The following MTUS2 variants were observed in gnomAD, a reference collection of about 807,000 sequenced individuals.
MTUS2 encodes microtubule-associated tumor suppressor candidate 2.
Under a neutral mutation model 114.1 loss-of-function variants are expected in MTUS2, and 40 were observed. The observed-to-expected ratio is 0.35, with a 90% CI of 0.27 to 0.46. The LOEUF (loss-of-function observed/expected upper bound fraction) is 0.46, where lower values mean the gene tolerates loss of function less well. MTUS2 is among the 20% of genes least tolerant of loss of function. The probability of loss-of-function intolerance (pLI) is 1.00; values close to 1 mark genes in which losing one functional copy is unlikely to be tolerated. For missense variants in MTUS2, 1,679 were observed against 1,705.4 expected, an observed-to-expected ratio of 0.98 and a Z score of 0.27; for synonymous variants, 688 against 672.0, an observed-to-expected ratio of 1.02 and a Z score of -0.37.
intron 2 of MTUS2, among the ~76,000 whole-genome samples, chr13:28,975,046 G>A (rs1046856020): frequency 2.0e-5 from 3 of 152,340 alleles, no homozygotes; most frequent in Admixed American, 6.5e-5. Flanking sequence ...AGAAAATGAA[G>A]TTCCATATGG....
intron 3 of MTUS2, among the ~76,000 whole-genome samples, chr13:29,032,964 A>G (rs149624229): frequency 7.6e-4 from 115 of 152,302 alleles, no homozygotes; most frequent in African/African-American, 2.5e-3. Context: ...TTTAATATTA[A>G]TAAAACACTG....
At chr13:29,129,993 G>C (rs549215214) in intron 5 of MTUS2, among the ~76,000 whole-genome samples, 1 of 152,254 alleles carries the variant, frequency 6.6e-6, no homozygotes, top group South Asian at 2.1e-4. Context: ...AATCATTGCT[G>C]TCATGGAGCC....
At position 29,429,033 on chromosome 13, in the gene MTUS2, C is replaced by T. The variant is rs1488838757; in HGVS notation, c.3118-10950C>T. ...TGGTGAACAGGAGGCTCCCTTTACT[C>T]GTTCCAATGTGCTGAATTGTGAGTG... On this transcript the variant is annotated intron_variant, in intron 8 of 15. Transcript: ENST00000612955. The T allele has an allele frequency of 4.9e-6, 4 of 819,106 alleles. No homozygotes were observed. In the East Asian group the frequency reaches 7.7e-5, roughly 16 times the overall value. The allele number at this position is 819,106 out of a possible 1,614,324, so 50.7% of individuals were successfully genotyped here.
Position 29,480,755 on chromosome 13 carries a change from T to TA in MTUS2, c.3399+392dup, listed in dbSNP as rs1408270381. ...CCAGTATTAGTGTTCCTTCAGCACTTATCACTAACACATACATTTTTGCTT... is the reference window on the plus strand; with the variant it reads ...CCAGTATTAGTGTTCCTTCAGCACTTAATCACTAACACATACATTTTTGCTT... On this transcript the variant is annotated intron_variant, in intron 10 of 15. Transcript: ENST00000612955. The surrounding 1 kb of genome is among the most constrained non-coding windows in gnomAD (Gnocchi z 4.4). Among the ~76,000 whole-genome samples, 1 of 152,126 alleles carries TA rather than the reference T, an allele frequency of 6.6e-6. No homozygotes were observed. The highest frequency in any genetic ancestry group is 2.4e-5 in the African/African-American group (1 of 41,402).
intron 5 of MTUS2, among the ~76,000 whole-genome samples, chr13:29,216,226 C>T (rs1194665323): frequency 6.6e-6 from 1 of 152,214 alleles, no homozygotes; most frequent in East Asian, 1.9e-4. Context: ...ATGTCCCTTC[C>T]TTCATCAAGC....
intron 5 of MTUS2, among the ~76,000 whole-genome samples, chr13:29,151,205 C>G (rs755043224): frequency 1.3e-4 from 20 of 152,032 alleles, no homozygotes; most frequent in Non-Finnish European, 2.2e-4. Flanking sequence ...TTATTATCAT[C>G]TATGATTTCT....
intron 7 of MTUS2, among the ~76,000 whole-genome samples, chr13:29,354,265 T>A (rs1420175408): frequency 6.8e-6 from 1 of 147,810 alleles, no homozygotes; most frequent in African/African-American, 2.6e-5. Flanking sequence ...TTTTTGCTGG[T>A]TTCAAATGAG....
intron 4 of MTUS2, among the ~76,000 whole-genome samples, chr13:29,039,200 C>T (rs899860806): frequency 1.3e-5 from 2 of 152,202 alleles, no homozygotes; most frequent in Admixed American, 6.5e-5. Context: ...CTTCTGGGCT[C>T]GGGGCAGCAC....
intron 9 of MTUS2, among the ~76,000 whole-genome samples, chr13:29,477,266 T>G (rs1880772402): frequency 6.6e-6 from 1 of 152,218 alleles, no homozygotes; most frequent in Non-Finnish European, 1.5e-5. Context: ...TCTATGGTCT[T>G]TGTTCTATTC....
intron 2 of MTUS2, among the ~76,000 whole-genome samples, chr13:28,946,300 T>TGC (rs1255453187): frequency 1.1e-5 from 1 of 94,554 alleles, no homozygotes; most frequent in Non-Finnish European, 2.3e-5. Flanking sequence ...TGTGTGTGTG[T>TGC]GTGTGCGCGC....
chr13:29,376,137 A>G (rs1427202982), intron 8 of MTUS2, among the ~76,000 whole-genome samples: 1 of 152,156 alleles, frequency 6.6e-6, no homozygotes, highest in East Asian at 1.9e-4. Context: ...AGCAATAGAA[A>G]TAGTAAATAA....
chr13:29,080,823 T>C (rs535402382), intron 4 of MTUS2, among the ~76,000 whole-genome samples: 21 of 152,272 alleles, frequency 1.4e-4, no homozygotes, highest in African/African-American at 5.1e-4. Flanking sequence ...CCTCCTGGGT[T>C]CAAGTGATTC....
At position 29,148,472 on chromosome 13, in the gene MTUS2, CTTTTTTTTTTTT is replaced by C. The variant is rs976334425; in HGVS notation, c.2644+47515_2644+47526del. On this transcript the variant is annotated intron_variant, in intron 5 of 15. Transcript: ENST00000612955. ...GTGAGAACATGCTGTGTTTGGTTTT[CTTTTTTTTTTTT>C]TTTTTTTTTTTTGAGACGGAGTCTC... 1.5e-4 allele frequency among the ~76,000 whole-genome samples: 11 copies of C among 71,372 alleles called. 1 individual carries two copies. The highest frequency in any genetic ancestry group is 3.7e-4 in the African/African-American group (7 of 18,858). The allele number at this position is 71,372 out of a possible 152,430, so 46.8% of individuals were successfully genotyped here. A position where few individuals can be genotyped will look rare whatever the true frequency, so the allele number is the denominator to read the frequency against.
intron 10 of MTUS2, among the ~76,000 whole-genome samples, chr13:29,484,489 G>C (rs1881446086): frequency 6.6e-6 from 1 of 152,254 alleles, no homozygotes; most frequent in Non-Finnish European, 1.5e-5. Flanking sequence ...ACCTGCCTGT[G>C]TGGAGGGCTG....
At chr13:28,822,814 A>G (rs1302319130) in intron 1 of MTUS2, among the ~76,000 whole-genome samples, 2 of 152,216 alleles carry the variant, frequency 1.3e-5, no homozygotes, top group Non-Finnish European at 2.9e-5. Flanking sequence ...GTATTAACTT[A>G]TAAAATTGCC....
intron 2 of MTUS2, among the ~76,000 whole-genome samples, chr13:29,011,466 T>G (rs1885842570): frequency 6.6e-6 from 1 of 152,204 alleles, no homozygotes; most frequent in Admixed American, 6.5e-5. Context: ...TTTTACTATT[T>G]TTCTTCAATC....
At chr13:29,365,341 A>G (rs1014657008) in intron 8 of MTUS2, among the ~76,000 whole-genome samples, 1 of 152,206 alleles carries the variant, frequency 6.6e-6, no homozygotes, top group Non-Finnish European at 1.5e-5. Context: ...CATTCATGGA[A>G]GATCCTTGAT....
chr13:29,173,239 AAG>A (rs1893635717), intron 5 of MTUS2, among the ~76,000 whole-genome samples: 1 of 152,140 alleles, frequency 6.6e-6, no homozygotes, highest in Non-Finnish European at 1.5e-5. Context: ...TATGTTCACA[AAG>A]AGAAATTGAG....
intron 2 of MTUS2, among the ~76,000 whole-genome samples, chr13:28,977,622 A>G (rs1264454392): frequency 6.6e-6 from 1 of 152,198 alleles, no homozygotes; most frequent in Non-Finnish European, 1.5e-5. Context: ...CATGTACATC[A>G]ATCATCATAA....
Sources: gnomAD v4.1 joint callset for allele counts (sites outside exome capture counted in the v4.1 genomes callset) on GRCh38, gnomAD v4.1.1 for gene constraint, Gnocchi (gnomAD v3.1) non-coding constraint, MANE v1.5 for transcripts, NCBI Gene and HGNC (gene_info 2026-07-23, HGNC 2026-07-21) for gene names.